The following CSTF3 variants were observed in gnomAD, a reference collection of about 807,000 sequenced individuals.
The protein encoded by CSTF3 is cleavage stimulation factor subunit 3.
Under a neutral mutation model 105.8 loss-of-function variants are expected in CSTF3, and 29 were observed. That is an observed-to-expected ratio of 0.27 (90% CI 0.20 to 0.37). The LOEUF is 0.37. Among genes scored for constraint, CSTF3 ranks in the 10% least tolerant of loss-of-function variants. The pLI, the probability that CSTF3 is intolerant of heterozygous loss-of-function variation, is 1.00. For missense variants in CSTF3, 357 were observed against 879.3 expected (o/e 0.41, Z 7.51); for synonymous variants, 252 against 281.9 (o/e 0.89, Z 1.06).
intron 1 of CSTF3, among the ~76,000 whole-genome samples, chr11:33,158,109 A>T (rs1167609121): frequency 6.6e-6 from 1 of 152,194 alleles, no homozygotes; most frequent in South Asian, 2.1e-4. Flanking sequence ...CATGGAGGAA[A>T]CAAGATTAGC....
chr11:33,149,982 G>A lies in CSTF3; in HGVS notation c.28-7996C>T, dbSNP rs61887101. 3.4e-3 allele frequency among the ~76,000 whole-genome samples: 514 copies of A among 152,174 alleles called. 1 individual carries two copies. Among genetic ancestry groups the A allele is most frequent in the Non-Finnish European group, 5.9e-3 (398 of 67,996 alleles). ...TGCAGTGAGCCGAGATCATGCCATT[G>A]CACTGCAGCCTGGGCGACAGAGCCA... On this transcript the variant is annotated intron_variant, in intron 1 of 20. Transcript: ENST00000323959.
intron 8 of CSTF3, among the ~76,000 whole-genome samples, chr11:33,105,230 C>CA (rs1288549947): frequency 6.6e-6 from 1 of 152,096 alleles, no homozygotes; most frequent in East Asian, 1.9e-4. Flanking sequence ...GCACAGCAAC[C>CA]AAAAAATAAT....
chr11:33,156,252 G>GA (rs1849864360), intron 1 of CSTF3, among the ~76,000 whole-genome samples: 1 of 152,070 alleles, frequency 6.6e-6, no homozygotes, highest in Admixed American at 6.6e-5. Context: ...AAAGATTTTG[G>GA]AAAAAATAAA....
At chr11:33,118,161 T>C (rs1220074218) in intron 3 of CSTF3, among the ~76,000 whole-genome samples, 1 of 151,810 alleles carries the variant, frequency 6.6e-6, no homozygotes, top group Non-Finnish European at 1.5e-5. Flanking sequence ...AATTCATTGG[T>C]ATTTTTCTCT....
At chr11:33,152,946 A>G (rs1390906923) in intron 1 of CSTF3, among the ~76,000 whole-genome samples, 1 of 150,490 alleles carries the variant, frequency 6.6e-6, no homozygotes, top group Non-Finnish European at 1.5e-5. Flanking sequence ...CAAGAGTGAG[A>G]CTCCGCCTCC....
In CSTF3 at chr11:33,158,223, A is replaced by G. The variant is rs620676; in HGVS notation, c.27+3076T>C. Among the ~76,000 whole-genome samples, 1,255 of 152,284 alleles carry G rather than the reference A, an allele frequency of 8.2e-3. 12 individuals are homozygous for G. The highest frequency in any genetic ancestry group is 0.011 in the Non-Finnish European group (728 of 68,018). ...TTAAAGAAAAGGCTATATGAAGATG[A>G]CTTCCTTGTTGATAATCAGATGTCT... On this transcript the variant is annotated intron_variant, in intron 1 of 20. Transcript: ENST00000323959.
chr11:33,095,885 CT>C (rs1432067594), intron 15 of CSTF3, among the ~76,000 whole-genome samples: 1 of 151,976 alleles, frequency 6.6e-6, no homozygotes, highest in Non-Finnish European at 1.5e-5. Context: ...CTTTTTGAAT[CT>C]TTTCCCCAGT....
At chr11:33,110,063 T>C (rs568816799) in intron 3 of CSTF3, among the ~76,000 whole-genome samples, 1 of 152,362 alleles carries the variant, frequency 6.6e-6, no homozygotes, top group South Asian at 2.1e-4. Context: ...TATTACTTTG[T>C]TCCAGTTGTA....
chr11:33,111,341 T>C (rs1361225892), intron 3 of CSTF3, among the ~76,000 whole-genome samples: 2 of 152,206 alleles, frequency 1.3e-5, no homozygotes, highest in Non-Finnish European at 2.9e-5. Context: ...AGTGGGGAAA[T>C]AGTTTAATAA....
intron 1 of CSTF3, among the ~76,000 whole-genome samples, chr11:33,159,830 C>T (rs928301855): frequency 1.3e-5 from 2 of 152,044 alleles, no homozygotes; most frequent in Admixed American, 6.6e-5. Flanking sequence ...TGATTCCAGG[C>T]GAAGAGTTGT....
At chr11:33,127,517 T>G (rs1855556006) in intron 3 of CSTF3, among the ~76,000 whole-genome samples, 2 of 152,206 alleles carry the variant, frequency 1.3e-5, no homozygotes, top group South Asian at 4.1e-4. Flanking sequence ...TATTTATATT[T>G]CTCTCCTCAT....
intron 18 of CSTF3, among the ~76,000 whole-genome samples, chr11:33,086,564 A>G (rs918163690): frequency 6.6e-6 from 1 of 152,058 alleles, no homozygotes; most frequent in Non-Finnish European, 1.5e-5. Flanking sequence ...CAGCCTCCCA[A>G]GTAGCTGGGA....
At position 33,106,070 on chromosome 11, in the gene CSTF3, A is replaced by G; in HGVS notation, c.357-6T>C. On this transcript the variant is annotated splice_region_variant and splice_polypyrimidine_tract_variant and intron_variant, in intron 5 of 20. Transcript: ENST00000323959. ...ATGCTTGAGCCATTTTTTCTCTGAA[A>G]TGAACATGAAAGACGTGGTTTTTAA... 1 of 1,608,846 alleles carries G rather than the reference A, an allele frequency of 6.2e-7. No homozygotes were observed. The highest frequency in any genetic ancestry group is 8.5e-7 in the Non-Finnish European group (1 of 1,176,706).
rs192133921 is a variant in CSTF3, at chr11:33,161,376, A to G, written c.-51T>C. 1.2e-6 allele frequency: 2 copies of G among 1,605,572 alleles called. No individual in the cohort carries two copies. Among genetic ancestry groups the G allele is most frequent in the East Asian group, 2.2e-5 (1 of 44,810 alleles). On this transcript the variant is annotated 5_prime_UTR_variant, in exon 1 of 21. Transcript: ENST00000323959. Reference sequence around the variant, plus strand: ...ACTGACCGTCGATGGGAAGCTAGAAAAGAAAAATTAAACTAAAAACCACCC... The same window carrying G: ...ACTGACCGTCGATGGGAAGCTAGAAGAGAAAAATTAAACTAAAAACCACCC...
Position 33,105,684 on chromosome 11 carries a change from T to C in CSTF3, c.468A>G (p.Val156=), listed in dbSNP as rs756072336. The C allele has an allele frequency of 6.2e-6, 10 of 1,613,250 alleles. No homozygotes were observed. The highest frequency in any genetic ancestry group is 3.3e-4 in the Middle Eastern group (2 of 6,074). The change falls in exon 8 of 21, where the codon GTA becomes GTG. Residue 156 remains valine (V), a synonymous_variant. Transcript: ENST00000323959. Reference sequence around the variant, plus strand: ...TTCTTTGATTTTCTGCATAAGATCCTACAGCTTCCCTGAGATTGGATAAGA... The same window carrying C: ...TTCTTTGATTTTCTGCATAAGATCCCACAGCTTCCCTGAGATTGGATAAGA... ...YINFLKGVEA[V]GSYAENQRIT...
intron 1 of CSTF3, among the ~76,000 whole-genome samples, chr11:33,148,806 A>T (rs1363719142): frequency 6.6e-6 from 1 of 151,428 alleles, no homozygotes; most frequent in African/African-American, 2.4e-5. Context: ...TCTTAAATAC[A>T]TAAATTCTGA....
At chr11:33,149,783 C>T (rs959054228) in intron 1 of CSTF3, among the ~76,000 whole-genome samples, 1 of 152,156 alleles carries the variant, frequency 6.6e-6, no homozygotes, top group African/African-American at 2.4e-5. Flanking sequence ...CTTTGGGAGG[C>T]CGAGGCAGGT....
At chr11:33,124,649 G>A (rs1445441217) in intron 3 of CSTF3, among the ~76,000 whole-genome samples, 1 of 152,124 alleles carries the variant, frequency 6.6e-6, no homozygotes, top group Non-Finnish European at 1.5e-5. Flanking sequence ...TTTAGGCTAG[G>A]AAGCAAATAT....
At chr11:33,138,590 G>A (rs1045390049) in intron 3 of CSTF3, among the ~76,000 whole-genome samples, 36 of 151,786 alleles carry the variant, frequency 2.4e-4, no homozygotes, top group African/African-American at 8.2e-4. Flanking sequence ...TAAATAGCTG[G>A]AGACATATTT....
Sources: allele counts gnomAD v4.1 joint callset (sites outside exome capture counted in the v4.1 genomes callset), GRCh38; gene constraint gnomAD v4.1.1; transcripts MANE v1.5; gene names NCBI Gene and HGNC (gene_info 2026-07-23, HGNC 2026-07-21).